The following CDON variants were observed in gnomAD, a reference collection of about 807,000 sequenced individuals.
CDON encodes cell adhesion molecule-related/down-regulated by oncogenes.
In CDON, 73 loss-of-function variants were observed where a neutral mutation model predicts 120.9. The ratio of observed to expected loss-of-function variants is 0.60; its 90% CI spans 0.50 to 0.73. The LOEUF is 0.73. Ranked by LOEUF, CDON falls within the 30% of genes least tolerant of loss-of-function variation. CDON has a pLI of 0.00. For missense variants in CDON, 1,470 were observed against 1,587.3 expected, an observed-to-expected ratio of 0.93 and a Z score of 1.26; for synonymous variants, 566 against 573.5, an observed-to-expected ratio of 0.99 and a Z score of 0.19.
rs1393223621 is a variant in CDON at position 125,960,747 on chromosome 11, G to C, written c.*195C>G. 3.3e-6 allele frequency: 2 copies of C among 614,432 alleles called. No individual in the cohort carries two copies. Among genetic ancestry groups the C allele is most frequent in the African/African-American group, 3.7e-5 (2 of 54,092 alleles). The allele number at this position is 614,432 out of a possible 1,614,324, so 38.1% of individuals were successfully genotyped here. A position where few individuals can be genotyped will look rare whatever the true frequency, so the allele number is the denominator to read the frequency against. On this transcript the variant is annotated 3_prime_UTR_variant, in exon 20 of 20. Transcript: ENST00000531738. ...CTACCGAGGGGGAGGAAGGAATGGG[G>C]AAGAAAACATTTAAGGCATAAATAA...
intron 18 of CDON, among the ~76,000 whole-genome samples, chr11:125,977,286 C>A (rs1001208157): frequency 4.6e-5 from 7 of 152,220 alleles, no homozygotes; most frequent in Non-Finnish European, 8.8e-5. Flanking sequence ...AACAAACAAT[C>A]TCCAAGAAGC....
At position 125,984,014 on chromosome 11, in the gene CDON, A is replaced by G. The variant is rs1046650004; in HGVS notation, c.2853T>C (p.Asn951=). The G allele has an allele frequency of 8.7e-6, 14 of 1,613,916 alleles. No homozygotes were observed. The African/African-American group carries it at 1.7e-4, about 20-fold the overall frequency. ...TPPNSLGSGG[N]VGPATSPARS... ...TGGCAGGGCTGGTTGCAGGCCCCACATTTCCTCCACTTCCCAAAGAATTTG... is the reference window on the plus strand; with the variant it reads ...TGGCAGGGCTGGTTGCAGGCCCCACGTTTCCTCCACTTCCCAAAGAATTTG... The change falls in exon 16 of 20, where the codon AAT becomes AAC. Residue 951 remains asparagine (N), a synonymous_variant. Coordinates refer to ENST00000531738, the MANE Select transcript of CDON (RefSeq NM_001378964.1).
intron 1 of CDON, among the ~76,000 whole-genome samples, chr11:126,036,041 G>A (rs142061143): frequency 1.2e-4 from 18 of 152,144 alleles, no homozygotes; most frequent in African/African-American, 4.3e-4. Context: ...TACAGAAAAG[G>A]TACATACACA....
At chr11:126,020,702 A>G (rs1032654291) in intron 3 of CDON, among the ~76,000 whole-genome samples, 2 of 152,362 alleles carry the variant, frequency 1.3e-5, no homozygotes, top group South Asian at 4.1e-4. Flanking sequence ...AAAACCACGC[A>G]TTCCAGATTT....
chr11:125,982,888 G>A (rs1010605015), intron 16 of CDON, among the ~76,000 whole-genome samples: 20 of 151,394 alleles, frequency 1.3e-4, no homozygotes, highest in African/African-American at 3.9e-4. Flanking sequence ...GATTCAACAC[G>A]CACTCACACA....
At chr11:125,971,402 A>T (rs1238365203) in intron 18 of CDON, among the ~76,000 whole-genome samples, 37 of 142,540 alleles carry the variant, frequency 2.6e-4, no homozygotes, top group African/African-American at 1.1e-3. Context: ...AAATAAATAA[A>T]TAAATAAATA....
At chr11:126,039,161 T>G (rs1948184530) in intron 1 of CDON, among the ~76,000 whole-genome samples, 1 of 152,258 alleles carries the variant, frequency 6.6e-6, no homozygotes, top group Admixed American at 6.5e-5. Flanking sequence ...TCACAAAAAC[T>G]TGGGCATAAA....
At chr11:126,040,081 A>G (rs988885328) in intron 1 of CDON, among the ~76,000 whole-genome samples, 1 of 152,324 alleles carries the variant, frequency 6.6e-6, no homozygotes, top group African/African-American at 2.4e-5. Flanking sequence ...CTGACTCACT[A>G]TACTCAAATA....
At chr11:125,981,362 A>ACG in intron 16 of CDON, 33 bp from the exon 17 acceptor site, 1 of 1,321,342 alleles carries the variant, frequency 7.6e-7, no homozygotes, top group Non-Finnish European at 1.1e-6. Context: ...ACACACACGC[A>ACG]CACACACACA....
Position 126,027,604 on chromosome 11 carries a change from A to G in CDON, c.-61-4067T>C, listed in dbSNP as rs534458728. 3.0e-4 allele frequency among the ~76,000 whole-genome samples: 46 copies of G among 152,352 alleles called. 3 individuals carry two copies. The South Asian group carries it at 9.1e-3, about 30-fold the overall frequency. Reference sequence around the variant, plus strand: ...TTGTTTGACAAAGTTTACCATAACTAAACAGGTTTCTGCCATCTTCTTATT... The same window carrying G: ...TTGTTTGACAAAGTTTACCATAACTGAACAGGTTTCTGCCATCTTCTTATT... On this transcript the variant is annotated intron_variant, in intron 1 of 19. Transcript: ENST00000531738.
chr11:126,029,624 G>A (rs1353589524), intron 1 of CDON, among the ~76,000 whole-genome samples: 1 of 152,030 alleles, frequency 6.6e-6, no homozygotes, highest in African/African-American at 2.4e-5. Flanking sequence ...GAAGAGGTTA[G>A]AATTTGAATT....
At position 126,021,400 on chromosome 11, in the gene CDON, T is replaced by C. The variant is rs7122277; in HGVS notation, c.197A>G (p.Lys66Arg). ...ATGTTCCAGGTTTCCATCCAATGTT[T>C]TTCCGTTATGCAGCCATGAGATACG... ...TTRISWLHNGKTLDGNLEHVK... is the reference protein window; with the variant it reads ...TTRISWLHNGRTLDGNLEHVK... The change falls in exon 3 of 20, where the codon AAA becomes AGA. Residue 66 changes from lysine to arginine, a missense_variant. By Grantham distance (26) the Lys-to-Arg change is conservative (BLOSUM62 2). Coordinates refer to ENST00000531738, the MANE Select transcript of CDON (RefSeq NM_001378964.1). 7,252 of 1,614,090 alleles carry C rather than the reference T, an allele frequency of 4.5e-3. 269 individuals carry two copies. The African/African-American group carries it at 0.082, about 18-fold the overall frequency.
At chr11:125,982,155 T>C (rs560229991) in intron 16 of CDON, among the ~76,000 whole-genome samples, 3,912 of 91,124 alleles carry the variant, frequency 0.043, 65 homozygotes, top group Middle Eastern at 0.068. Context: ...TTTGTATTTT[T>C]AGTAGAGACA....
At chr11:126,035,228 T>A (rs1948063098) in intron 1 of CDON, among the ~76,000 whole-genome samples, 1 of 152,116 alleles carries the variant, frequency 6.6e-6, no homozygotes, top group Non-Finnish European at 1.5e-5. Flanking sequence ...ATATACACAG[T>A]CAAGCATTGA....
At chr11:125,961,388 C>T (rs180791203) in intron 19 of CDON, among the ~76,000 whole-genome samples, 1 of 152,258 alleles carries the variant, frequency 6.6e-6, no homozygotes, top group Non-Finnish European at 1.5e-5. Flanking sequence ...CCAGAACCAA[C>T]TCAAATCAAA....
intron 18 of CDON, among the ~76,000 whole-genome samples, chr11:125,963,650 A>G (rs1945711708): frequency 6.6e-6 from 1 of 152,166 alleles, no homozygotes; most frequent in Non-Finnish European, 1.5e-5. Flanking sequence ...AATAACTCCA[A>G]CTTTAGTTTC....
intron 11 of CDON, among the ~76,000 whole-genome samples, chr11:126,001,200 T>A (rs1401854124): frequency 2.6e-5 from 4 of 151,244 alleles, no homozygotes; most frequent in Non-Finnish European, 5.9e-5. Flanking sequence ...TTTTTCTTTT[T>A]TTTTTTTTTT....
chr11:126,011,594 G>A (rs956516943), intron 7 of CDON, among the ~76,000 whole-genome samples: 10 of 151,928 alleles, frequency 6.6e-5, no homozygotes, highest in Admixed American at 3.3e-4. Context: ...GCAGTGATTC[G>A]GAGTTCTCTG....
intron 19 of CDON, 123 bp downstream of exon 19, chr11:125,961,601 G>T (rs757301210): frequency 7.4e-7 from 1 of 1,347,414 alleles, no homozygotes. Flanking sequence ...ACCCCACCCA[G>T]TCTCCCAAGA....
Sources: gnomAD v4.1 joint callset for allele counts (sites outside exome capture counted in the v4.1 genomes callset) on GRCh38, gnomAD v4.1.1 for gene constraint, MANE v1.5 for transcripts, NCBI Gene and HGNC (gene_info 2026-07-23, HGNC 2026-07-21) for gene names.